Variants in ARHGAP15 observed in about 807,000 individuals in gnomAD.
ARHGAP15 encodes rho GTPase-activating protein 15.
Under a neutral mutation model 63.7 loss-of-function variants are expected in ARHGAP15, and 51 were observed. The observed-to-expected ratio is 0.80, with a 90% CI of 0.64 to 1.01. ARHGAP15 has a LOEUF of 1.01. Ranked by LOEUF, ARHGAP15 falls within the 50% of genes least tolerant of loss-of-function variation. The pLI is 0.00. For missense variants in ARHGAP15, 560 were observed against 564.6 expected, an observed-to-expected ratio of 0.99 and a Z score of 0.08; for synonymous variants, 191 against 193.8, an observed-to-expected ratio of 0.99 and a Z score of 0.12.
At chr2:143,262,895 C>T (rs1680800035) in intron 6 of ARHGAP15, among the ~76,000 whole-genome samples, 3 of 152,094 alleles carry the variant, frequency 2.0e-5, no homozygotes, top group Admixed American at 2.0e-4. Context: ...GCCAAAGTTG[C>T]AAAACCCAGA....
At chr2:143,622,967 T>C (rs573528180) in intron 11 of ARHGAP15, among the ~76,000 whole-genome samples, 1 of 152,228 alleles carries the variant, frequency 6.6e-6, no homozygotes, top group East Asian at 1.9e-4. Context: ...AAGGGACATG[T>C]GAATGCGAGC....
intron 2 of ARHGAP15, among the ~76,000 whole-genome samples, chr2:143,177,162 A>G (rs1199475852): frequency 1.3e-5 from 2 of 152,150 alleles, no homozygotes; most frequent in Non-Finnish European, 2.9e-5. Context: ...TGAAATTTAG[A>G]TATGCTCTTT....
intron 5 of ARHGAP15, among the ~76,000 whole-genome samples, chr2:143,246,431 G>A (rs528052041): frequency 2.1e-4 from 32 of 151,786 alleles, no homozygotes; most frequent in Non-Finnish European, 3.5e-4. Flanking sequence ...AAACCATTTC[G>A]TGGGGTGGAC....
intron 6 of ARHGAP15, among the ~76,000 whole-genome samples, chr2:143,373,911 C>T (rs1229338834): frequency 6.6e-6 from 1 of 152,072 alleles, no homozygotes; most frequent in Non-Finnish European, 1.5e-5. Flanking sequence ...TACTCATGAA[C>T]AAGAAATCCC....
chr2:143,323,534 C>T (rs1435102208), intron 6 of ARHGAP15, among the ~76,000 whole-genome samples: 1 of 152,146 alleles, frequency 6.6e-6, no homozygotes, highest in African/African-American at 2.4e-5. Flanking sequence ...TTTACTTCAA[C>T]ATTGAAAAAT....
chr2:143,324,344 G>T (rs1284009968), intron 6 of ARHGAP15, among the ~76,000 whole-genome samples: 1 of 152,070 alleles, frequency 6.6e-6, no homozygotes, highest in African/African-American at 2.4e-5. Flanking sequence ...AATAGTCAAT[G>T]GTTTTCTTTT....
At chr2:143,302,114 C>T (rs887036313) in intron 6 of ARHGAP15, among the ~76,000 whole-genome samples, 1 of 151,924 alleles carries the variant, frequency 6.6e-6, no homozygotes, top group Non-Finnish European at 1.5e-5. Context: ...TGTTCACCTG[C>T]CAAATAGACG....
intron 2 of ARHGAP15, among the ~76,000 whole-genome samples, chr2:143,182,754 T>G (rs1245986061): frequency 1.3e-5 from 2 of 152,086 alleles, no homozygotes; most frequent in Non-Finnish European, 2.9e-5. Flanking sequence ...TGCCTGGCAG[T>G]AGAAAGCTCA....
At position 143,410,384 on chromosome 2, in the gene ARHGAP15, A is replaced by G. The variant is rs200975484; in HGVS notation, c.475-25217A>G. 2.6e-5 allele frequency among the ~76,000 whole-genome samples: 4 copies of G among 152,288 alleles called. No individual in the cohort carries two copies. In the East Asian group the frequency reaches 5.8e-4, roughly 22 times the overall value. Reference sequence around the variant, plus strand: ...ATGTGCTTAATATGCTTATTAATTGACACCAGGCTACGTGATTGTCTATCA... The same window carrying G: ...ATGTGCTTAATATGCTTATTAATTGGCACCAGGCTACGTGATTGTCTATCA... On this transcript the variant is annotated intron_variant, in intron 6 of 13. Coordinates refer to ENST00000295095, the MANE Select transcript of ARHGAP15 (RefSeq NM_018460.4).
At chr2:143,574,993 G>C (rs1361100254) in intron 11 of ARHGAP15, among the ~76,000 whole-genome samples, 1 of 152,094 alleles carries the variant, frequency 6.6e-6, no homozygotes, top group East Asian at 1.9e-4. Flanking sequence ...TATGCTTACA[G>C]AGTAAAATAG....
At chr2:143,312,474 A>T (rs1405126834) in intron 6 of ARHGAP15, among the ~76,000 whole-genome samples, 1 of 152,016 alleles carries the variant, frequency 6.6e-6, no homozygotes, top group South Asian at 2.1e-4. Flanking sequence ...TTTTTCAAAG[A>T]TAAAAAGAAA....
At chr2:143,518,659 A>G (rs2104981176) in intron 9 of ARHGAP15, among the ~76,000 whole-genome samples, 1 of 152,322 alleles carries the variant, frequency 6.6e-6, no homozygotes, top group East Asian at 1.9e-4. Context: ...CCTGTGTCAC[A>G]GGAGACACAA....
At chr2:143,293,978 C>G (rs1574226092) in intron 6 of ARHGAP15, among the ~76,000 whole-genome samples, 1 of 152,126 alleles carries the variant, frequency 6.6e-6, no homozygotes, top group Non-Finnish European at 1.5e-5. Flanking sequence ...AAATAAAGTT[C>G]TGGAAATGTA....
chr2:143,369,496 T>G (rs1686449789), intron 6 of ARHGAP15, among the ~76,000 whole-genome samples: 1 of 152,126 alleles, frequency 6.6e-6, no homozygotes, highest in Admixed American at 6.6e-5. Context: ...TTTTTTTAAT[T>G]CCTCAGTTTA....
chr2:143,671,406 A>T (rs1331120971), intron 12 of ARHGAP15, among the ~76,000 whole-genome samples: 1 of 152,180 alleles, frequency 6.6e-6, no homozygotes, highest in Non-Finnish European at 1.5e-5. Context: ...GCTAAAGTGC[A>T]TCATTCTTGA....
chr2:143,719,477 C>T (rs186450839), intron 13 of ARHGAP15, among the ~76,000 whole-genome samples: 1 of 152,286 alleles, frequency 6.6e-6, no homozygotes, highest in East Asian at 1.9e-4. Context: ...TTCTCAAACA[C>T]ATCTCTTCTT....
intron 5 of ARHGAP15, among the ~76,000 whole-genome samples, chr2:143,233,875 C>T (rs1015933677): frequency 1.3e-5 from 2 of 151,988 alleles, no homozygotes; most frequent in African/African-American, 4.8e-5. Flanking sequence ...GAATTCCTGA[C>T]CTCAAGTGCT....
At chr2:143,617,023 TC>T (rs1698478539) in intron 11 of ARHGAP15, among the ~76,000 whole-genome samples, 1 of 152,158 alleles carries the variant, frequency 6.6e-6, no homozygotes. Flanking sequence ...AAAACGGCAA[TC>T]ATGATTTTAT....
intron 6 of ARHGAP15, among the ~76,000 whole-genome samples, chr2:143,309,866 TTGTGTGTGTG>T (rs10562854): frequency 2.7e-5 from 4 of 149,010 alleles, no homozygotes; most frequent in African/African-American, 4.9e-5. Flanking sequence ...ATATATGAAC[TTGTGTGTGTG>T]TGTGTGTGTG....
Sources: gnomAD v4.1 joint callset for allele counts (sites outside exome capture counted in the v4.1 genomes callset) on GRCh38, gnomAD v4.1.1 for gene constraint, MANE v1.5 for transcripts, NCBI Gene and HGNC (gene_info 2026-07-23, HGNC 2026-07-21) for gene names.